The following PCTP variants were observed in gnomAD, a reference collection of about 807,000 sequenced individuals.
The protein encoded by PCTP is phosphatidylcholine transfer protein, also known as START domain-containing protein 2.
PCTP carries 27 observed loss-of-function variants against 31.0 expected under a neutral mutation model. The ratio of observed to expected loss-of-function variants is 0.87; its 90% CI spans 0.64 to 1.20. The LOEUF (loss-of-function observed/expected upper bound fraction) is 1.20. Among genes scored for constraint, PCTP ranks in the 50% most tolerant of loss-of-function variants. The pLI is 0.00. For synonymous variants in PCTP, 108 were observed against 101.2 expected (o/e 1.07, Z -0.40); for missense variants, 287 against 268.2 (o/e 1.07, Z -0.49).
intron 5 of PCTP, among the ~76,000 whole-genome samples, chr17:55,828,207 CTG>C (rs1192903900): frequency 6.6e-6 from 1 of 152,194 alleles, no homozygotes; most frequent in African/African-American, 2.4e-5. Flanking sequence ...AGAACAGTGT[CTG>C]TATTAGCCTC....
chr17:55,771,013 A>T (rs1433941846), intron 2 of PCTP, 93 bp from the exon 3 acceptor site: 9 of 925,680 alleles, frequency 9.7e-6, no homozygotes, highest in Middle Eastern at 2.2e-4. Context: ...GATTACAGGC[A>T]TGAGCCACCA....
At chr17:55,786,993 GTA>G (rs1911769571) in intron 2 of PCTP, among the ~76,000 whole-genome samples, 1 of 151,846 alleles carries the variant, frequency 6.6e-6, no homozygotes, top group Non-Finnish European at 1.5e-5. Flanking sequence ...GCATATGTGT[GTA>G]TGTGTGTGCT....
At chr17:55,765,512 T>C (rs895395125) in intron 1 of PCTP, among the ~76,000 whole-genome samples, 5 of 152,200 alleles carry the variant, frequency 3.3e-5, no homozygotes, top group African/African-American at 1.2e-4. Context: ...AATATATCCT[T>C]AAATCACTGA....
chr17:55,834,149 A>G (rs1047991585), intron 5 of PCTP, among the ~76,000 whole-genome samples: 6 of 151,800 alleles, frequency 4.0e-5, no homozygotes, highest in African/African-American at 1.4e-4. Flanking sequence ...TCTTGTATCT[A>G]CTCTGCTTTT....
chr17:55,837,250 TA>T (rs1356014879), intron 5 of PCTP, among the ~76,000 whole-genome samples: 1 of 152,156 alleles, frequency 6.6e-6, no homozygotes, highest in Non-Finnish European at 1.5e-5. Context: ...TGGGTGGTAA[TA>T]ACAAGATTTC....
At chr17:55,828,158 G>A (rs1025940599) in intron 5 of PCTP, among the ~76,000 whole-genome samples, 2 of 152,178 alleles carry the variant, frequency 1.3e-5, no homozygotes, top group African/African-American at 4.8e-5. Context: ...AGTTTCCTAC[G>A]TGAGAAAGGA....
At chr17:55,784,873 T>G (rs745966511) in intron 2 of PCTP, among the ~76,000 whole-genome samples, 7 of 152,236 alleles carry the variant, frequency 4.6e-5, no homozygotes, top group Non-Finnish European at 5.9e-5. Flanking sequence ...CCTCCTTGAC[T>G]TATTCCTCTC....
chr17:55,808,570 A>G (rs1912648690), intron 3 of PCTP, among the ~76,000 whole-genome samples: 1 of 152,192 alleles, frequency 6.6e-6, no homozygotes, highest in Non-Finnish European at 1.5e-5. Flanking sequence ...TGAGAAGCAC[A>G]TGTGGCAAAA....
chr17:55,784,558 A>C (rs1911681338), intron 2 of PCTP, among the ~76,000 whole-genome samples: 1 of 152,232 alleles, frequency 6.6e-6, no homozygotes, highest in South Asian at 2.1e-4. Context: ...CTTATAGATC[A>C]CTAGCTTGTC....
At chr17:55,825,447 A>T (rs1440562771), downstream of PCTP, among the ~76,000 whole-genome samples, 3 of 152,226 alleles carry the variant, frequency 2.0e-5, no homozygotes, top group Admixed American at 6.5e-5. Flanking sequence ...TCTAGTGATG[A>T]TTTAACACCT....
intron 2 of PCTP, 103 bp from the exon 3 acceptor site, chr17:55,771,003 G>T (rs929940158): frequency 6.0e-6 from 5 of 835,762 alleles, no homozygotes; most frequent in African/African-American, 3.4e-5. Context: ...AAAGTGCTGG[G>T]ATTACAGGCA....
chr17:55,792,358 T>C (rs1457553801), intron 3 of PCTP, among the ~76,000 whole-genome samples: 1 of 151,030 alleles, frequency 6.6e-6, no homozygotes, highest in Non-Finnish European at 1.5e-5. Flanking sequence ...CATACTCATA[T>C]TTCTAAACAC....
intron 3 of PCTP, among the ~76,000 whole-genome samples, chr17:55,819,081 G>A (rs939183739): frequency 4.7e-5 from 7 of 150,098 alleles, no homozygotes; most frequent in African/African-American, 1.7e-4. Context: ...GAAAACAGCG[G>A]CATTGTTGTT....
chr17:55,818,788 C>T (rs1385067959), intron 3 of PCTP, among the ~76,000 whole-genome samples: 1 of 151,840 alleles, frequency 6.6e-6, no homozygotes, highest in Non-Finnish European at 1.5e-5. Flanking sequence ...GACAGGAAGC[C>T]ACAGACCCCA....
At chr17:55,752,452 CG>C (rs540411237) in intron 1 of PCTP, among the ~76,000 whole-genome samples, 243 of 152,214 alleles carry the variant, frequency 1.6e-3, no homozygotes, top group African/African-American at 5.7e-3. Flanking sequence ...ATACCTCTCC[CG>C]GGGAAGAATT....
At chr17:55,800,023 A>G (rs990239684) in intron 3 of PCTP, among the ~76,000 whole-genome samples, 4 of 151,200 alleles carry the variant, frequency 2.6e-5, no homozygotes, top group African/African-American at 7.3e-5. Context: ...CTTCATTTCA[A>G]CCTTGGTGAA....
At chr17:55,827,873 A>G (rs1052380291), downstream of PCTP, among the ~76,000 whole-genome samples, 1 of 152,168 alleles carries the variant, frequency 6.6e-6, no homozygotes, top group African/African-American at 2.4e-5. Context: ...GGCTTAGCTT[A>G]TCCCTCCCTG....
downstream of PCTP, among the ~76,000 whole-genome samples, chr17:55,845,753 GC>G (rs951222027): frequency 6.6e-6 from 1 of 151,812 alleles, no homozygotes; most frequent in Non-Finnish European, 1.5e-5. Context: ...TGAGGGCCGA[GC>G]CCCCCCGTGA....
chr17:55,802,511 G>C (rs1022625426), intron 3 of PCTP, among the ~76,000 whole-genome samples: 2 of 152,114 alleles, frequency 1.3e-5, no homozygotes, highest in East Asian at 3.9e-4. Flanking sequence ...ACATCAAAAG[G>C]CTTATCCACC....
Sources: allele counts gnomAD v4.1 joint callset (sites outside exome capture counted in the v4.1 genomes callset), GRCh38; gene constraint gnomAD v4.1.1; transcripts MANE v1.5; gene names NCBI Gene and HGNC (gene_info 2026-07-23, HGNC 2026-07-21).